NR3C2: variants seen among roughly 807,000 people sequenced by gnomAD.
NR3C2 encodes the protein nuclear receptor subfamily 3 group C member 2.
A neutral mutation model predicts 86.4 loss-of-function variants in NR3C2; 15 were observed. That is an observed-to-expected ratio of 0.17 (90% confidence interval 0.12 to 0.27). The LOEUF (loss-of-function observed/expected upper bound fraction) is 0.27. Among genes scored for constraint, NR3C2 ranks in the 10% least tolerant of loss-of-function variants. The pLI is 1.00. For synonymous variants in NR3C2, 458 were observed against 450.5 expected (o/e 1.02, Z -0.21); for missense variants, 960 against 1,195.6 (o/e 0.80, Z 2.91).
intron 2 of NR3C2, among the ~76,000 whole-genome samples, chr4:148,397,207 A>AGGGAGGGCCCAGCAACCCTGAGG (rs1336536340): frequency 1.3e-5 from 2 of 152,200 alleles, no homozygotes; most frequent in East Asian, 3.9e-4. Context: ...TCTGACCACC[A>AGGGAGGGCCCAGCAACCCTGAGG]GGGAGGGCCC....
chr4:148,199,204 C>T (rs1736593590), intron 3 of NR3C2, among the ~76,000 whole-genome samples: 1 of 151,856 alleles, frequency 6.6e-6, no homozygotes, highest in Non-Finnish European at 1.5e-5. Context: ...AGTAGGAAGG[C>T]CTCTAGATGA....
At chr4:148,375,235 C>A (rs1746616192) in intron 2 of NR3C2, among the ~76,000 whole-genome samples, 1 of 152,148 alleles carries the variant, frequency 6.6e-6, no homozygotes, top group African/African-American at 2.4e-5. Flanking sequence ...GTTGGCGTAT[C>A]ACTTGAGGTC....
chr4:148,335,695 G>A (rs1744451110), intron 2 of NR3C2, among the ~76,000 whole-genome samples: 1 of 151,780 alleles, frequency 6.6e-6, no homozygotes, highest in South Asian at 2.1e-4. Flanking sequence ...GTACCCCCTC[G>A]AATGTTCTAG....
chr4:148,109,229 T>A (rs1320699884), intron 8 of NR3C2, among the ~76,000 whole-genome samples: 7 of 152,158 alleles, frequency 4.6e-5, no homozygotes, highest in Non-Finnish European at 1.0e-4. Context: ...CAAGGCTTGG[T>A]ACCAATGTAG....
chr4:148,276,079 C>T (rs1002023994), intron 2 of NR3C2, among the ~76,000 whole-genome samples: 30 of 152,130 alleles, frequency 2.0e-4, no homozygotes, highest in African/African-American at 7.0e-4. Context: ...ATGTACAGAG[C>T]ACAGTGAGCC....
At chr4:148,238,173 T>C (rs187193517) in intron 3 of NR3C2, among the ~76,000 whole-genome samples, 1 of 152,204 alleles carries the variant, frequency 6.6e-6, no homozygotes, top group African/African-American at 2.4e-5. Flanking sequence ...AAGACTGCAA[T>C]CACATGCAAT....
chr4:148,348,119 C>T lies in NR3C2; in HGVS notation c.1757+86985G>A, dbSNP rs530246651. On this transcript the variant is annotated intron_variant, in intron 2 of 8. Transcript: ENST00000358102. ...CACTCTCGGTTGGTGTCTCTCTCTC[C>T]TTCCCTCTGGAGAATTTGAGAGACT... 4.6e-5 allele frequency among the ~76,000 whole-genome samples: 7 copies of T among 152,242 alleles called. No homozygotes were observed. The South Asian group carries it at 1.2e-3, about 27-fold the overall frequency.
In NR3C2 at chr4:148,313,323, T is replaced by A. The variant is rs1218290211; in HGVS notation, c.1758-53206A>T. ...GAGTCCATTGCACTCAGTACAAGTT[T>A]TATGCATAAAAATATTTTTGAACCA... is the stretch of plus-strand genomic sequence containing the variant. On this transcript the variant is annotated intron_variant, in intron 2 of 8. Transcript: ENST00000358102. Among the ~76,000 whole-genome samples, 7 of 152,256 alleles carry A rather than the reference T, an allele frequency of 4.6e-5. No individual in the cohort carries two copies. The East Asian group carries it at 1.3e-3, about 29-fold the overall frequency.
Position 148,339,637 on chromosome 4 carries a change from G to A in NR3C2, c.1758-79520C>T, listed in dbSNP as rs147243537. The stretch of plus-strand genomic sequence containing the variant: ...CTTGTGATTTAAACTCAGATACAAC[G>A]TCTATAAAAGCTTTGAAATATAAAA... On this transcript the variant is annotated intron_variant, in intron 2 of 8. Coordinates refer to ENST00000358102, the MANE Select transcript of NR3C2 (RefSeq NM_000901.5). 6.5e-4 allele frequency among the ~76,000 whole-genome samples: 99 copies of A among 151,988 alleles called. No homozygotes were observed. The East Asian group carries it at 0.016, about 24-fold the overall frequency.
At chr4:148,246,404 C>T (rs1739314305) in intron 3 of NR3C2, among the ~76,000 whole-genome samples, 1 of 152,174 alleles carries the variant, frequency 6.6e-6, no homozygotes, top group African/African-American at 2.4e-5. Flanking sequence ...ATATTTAATA[C>T]AGAGTTGAGG....
intron 6 of NR3C2, among the ~76,000 whole-genome samples, chr4:148,141,223 A>G (rs980637145): frequency 6.6e-6 from 1 of 152,194 alleles, no homozygotes; most frequent in Non-Finnish European, 1.5e-5. Flanking sequence ...ACTTGAGGTC[A>G]GGAGTTTGAG....
chr4:148,232,371 T>C (rs1738510239), intron 3 of NR3C2, among the ~76,000 whole-genome samples: 1 of 152,214 alleles, frequency 6.6e-6, no homozygotes, highest in South Asian at 2.1e-4. Flanking sequence ...TACATCTGCA[T>C]TAGAGTTCTT....
At position 148,304,352 on chromosome 4, in the gene NR3C2, T is replaced by TA. The variant is rs1554006657; in HGVS notation, c.1758-44236dup. Among the ~76,000 whole-genome samples, 357 of 130,100 alleles carry TA rather than the reference T, an allele frequency of 2.7e-3. 21 individuals are homozygous for TA. The highest frequency in any genetic ancestry group is 3.2e-3 in the Non-Finnish European group (198 of 62,124). 85.4% of individuals were successfully genotyped at this position (130,100 alleles called of 152,430 possible). A position where few individuals can be genotyped will look rare whatever the true frequency, so the allele number is the denominator to read the frequency against. On this transcript the variant is annotated intron_variant, in intron 2 of 8. Transcript: ENST00000358102. The stretch of plus-strand genomic sequence containing the variant: ...GCTTTTTTTTTTTTTTTTTTTTTTT[T>TA]AACCAGTTGGGCTTTTGGCTTCCCT...
intron 2 of NR3C2, among the ~76,000 whole-genome samples, chr4:148,351,772 A>G (rs149532040): frequency 2.0e-5 from 3 of 152,346 alleles, no homozygotes; most frequent in Non-Finnish European, 4.4e-5. Context: ...TGATAAACTC[A>G]GAGTCTAGGT....
chr4:148,394,837 T>C (rs968203901), intron 2 of NR3C2, among the ~76,000 whole-genome samples: 2 of 152,180 alleles, frequency 1.3e-5, no homozygotes, highest in Admixed American at 1.3e-4. Context: ...ACTTGAAAGA[T>C]GGAAATGAAC....
chr4:148,199,155 G>C (rs921779977), intron 3 of NR3C2, among the ~76,000 whole-genome samples: 1 of 151,734 alleles, frequency 6.6e-6, no homozygotes, highest in African/African-American at 2.4e-5. Flanking sequence ...AAAGTTAAGT[G>C]AGTAAAGAGC....
At chr4:148,301,452 A>C (rs1742332832) in intron 2 of NR3C2, among the ~76,000 whole-genome samples, 3 of 152,244 alleles carry the variant, frequency 2.0e-5, no homozygotes, top group African/African-American at 7.2e-5. Context: ...TCAAAGTTTA[A>C]ACAAGTTATG....
intron 2 of NR3C2, among the ~76,000 whole-genome samples, chr4:148,286,824 A>C (rs1019941095): frequency 2.6e-5 from 4 of 152,170 alleles, no homozygotes; most frequent in African/African-American, 9.6e-5. Context: ...AACAGCAAAA[A>C]AATTCTCATA....
At chr4:148,166,883 G>C (rs1156857233) in intron 4 of NR3C2, among the ~76,000 whole-genome samples, 1 of 151,590 alleles carries the variant, frequency 6.6e-6, no homozygotes, top group East Asian at 1.9e-4. Context: ...AGGGCAGCTG[G>C]GTCATTTCTG....
Sources: gnomAD v4.1 joint callset for allele counts (sites outside exome capture counted in the v4.1 genomes callset) on GRCh38, gnomAD v4.1.1 for gene constraint, MANE v1.5 for transcripts, NCBI Gene and HGNC (gene_info 2026-07-23, HGNC 2026-07-21) for gene names.